The following CACNA1B variants were observed in gnomAD, a reference collection of about 807,000 sequenced individuals.
The protein encoded by CACNA1B is calcium voltage-gated channel subunit alpha1 B.
Under a neutral mutation model 247.2 loss-of-function variants are expected in CACNA1B, and 70 were observed. The ratio of observed to expected loss-of-function variants is 0.28; its 90% CI spans 0.23 to 0.35. The LOEUF is 0.35. Ranked by LOEUF, CACNA1B falls within the 10% of genes least tolerant of loss-of-function variation. The pLI is 1.00. For synonymous variants in CACNA1B, 1,231 were observed against 1,294.4 expected, an observed-to-expected ratio of 0.95 and a Z score of 1.05; for missense variants, 2,367 against 3,197.4, an observed-to-expected ratio of 0.74 and a Z score of 6.26.
intron 44 of CACNA1B, among the ~76,000 whole-genome samples, chr9:138,119,059 T>C (rs754027926): frequency 1.4e-4 from 21 of 152,180 alleles, no homozygotes; most frequent in Admixed American, 2.6e-4. Context: ...CCATGGGGCA[T>C]AGGGGCCCCC....
At chr9:138,075,003 A>C (rs1023663079) in intron 34 of CACNA1B, among the ~76,000 whole-genome samples, 3 of 152,220 alleles carry the variant, frequency 2.0e-5, no homozygotes, top group African/African-American at 7.2e-5. Flanking sequence ...ATTGTCAGCT[A>C]TTTGGGAAAA....
rs1043061637 is a variant in CACNA1B at position 138,120,678 on chromosome 9, A to C, written c.6286A>C (p.Thr2096Pro). Residue 2096 changes from threonine (T) to proline (P), a missense_variant, in exon 46 of 47, where the codon ACA becomes CCA. Thr to Pro is a conservative substitution (Grantham distance 38). Transcript: ENST00000371372. ...GGGGCTGCCCCCGGGAGAGGGGCCT[A>C]CAGGCTGCCGGCGGGAACGAGAGCG... Reference protein sequence around the residue: ...GPGLPPGEGPTGCRRERERRQ... With the variant: ...GPGLPPGEGPPGCRRERERRQ... 5 of 1,516,090 alleles carry C rather than the reference A, an allele frequency of 3.3e-6. No individual in the cohort carries two copies. The highest frequency in any genetic ancestry group is 4.4e-6 in the Non-Finnish European group (5 of 1,137,974). 93.9% of individuals were successfully genotyped at this position (1,516,090 alleles called of 1,614,324 possible). A position where few individuals can be genotyped will look rare whatever the true frequency, so the allele number is the denominator to read the frequency against.
chr9:137,970,259 G>A (rs192915126), intron 10 of CACNA1B, among the ~76,000 whole-genome samples: 36 of 152,266 alleles, frequency 2.4e-4, no homozygotes, highest in African/African-American at 8.4e-4. Context: ...CCATGGCTGG[G>A]GCACAGCTGT....
intron 20 of CACNA1B, among the ~76,000 whole-genome samples, chr9:138,028,906 T>C: frequency 6.6e-6 from 1 of 152,190 alleles, no homozygotes; most frequent in African/African-American, 2.4e-5. Flanking sequence ...TTCTGGGACC[T>C]CTATTCAGCA....
intron 3 of CACNA1B, among the ~76,000 whole-genome samples, chr9:137,907,978 A>G (rs1325469772): frequency 6.6e-6 from 1 of 152,126 alleles, no homozygotes; most frequent in Non-Finnish European, 1.5e-5. Flanking sequence ...CCTTTGTCAA[A>G]CACCCGGTTT....
intron 15 of CACNA1B, among the ~76,000 whole-genome samples, chr9:137,989,123 AAC>A (rs1319876998): frequency 6.6e-6 from 1 of 152,234 alleles, no homozygotes; most frequent in African/African-American, 2.4e-5. Flanking sequence ...TAACAGAACA[AAC>A]ACAGGTGACT....
At chr9:138,062,706 C>T (rs573425303) in intron 31 of CACNA1B, among the ~76,000 whole-genome samples, 1 of 152,184 alleles carries the variant, frequency 6.6e-6, no homozygotes, top group Non-Finnish European at 1.5e-5. Context: ...GGAGGCTTTC[C>T]CAGGACTTTA....
chr9:138,078,265 C>A lies in CACNA1B; in HGVS notation c.5094+7C>A. 1 of 1,613,750 alleles carries A rather than the reference C, an allele frequency of 6.2e-7. No individual in the cohort carries two copies. The highest frequency in any genetic ancestry group is 8.5e-7 in the Non-Finnish European group (1 of 1,179,714). ...CTTCCTGTGCTCCTTTCTGGTGAGT[C>A]CTGGGCACTGTGCCCCTCCCAGTGC... On this transcript the variant is annotated splice_region_variant and intron_variant, in intron 36 of 46. Coordinates refer to ENST00000371372, the MANE Select transcript of CACNA1B (RefSeq NM_000718.4).
intron 22 of CACNA1B, 87 bp from the exon 23 acceptor site, chr9:138,047,312 G>T: frequency 1.0e-6 from 1 of 996,558 alleles, no homozygotes; most frequent in South Asian, 1.4e-5. Context: ...CTGCTCAGAG[G>T]CCTGGAGGAA....
chr9:137,941,269 T>A (rs531408991), intron 6 of CACNA1B, among the ~76,000 whole-genome samples: 1 of 152,272 alleles, frequency 6.6e-6, no homozygotes, highest in South Asian at 2.1e-4. Context: ...TTTTATATAC[T>A]AACAGTGACC....
chr9:137,985,870 G>A (rs1958354162), intron 13 of CACNA1B, among the ~76,000 whole-genome samples: 1 of 152,238 alleles, frequency 6.6e-6, no homozygotes, highest in Admixed American at 6.5e-5. Flanking sequence ...TCTGCGTGGT[G>A]TCACCCTACA....
intron 12 of CACNA1B, among the ~76,000 whole-genome samples, chr9:137,978,198 C>A (rs988430448): frequency 1.0e-4 from 14 of 137,514 alleles, no homozygotes; most frequent in Admixed American, 7.3e-5. Flanking sequence ...ATTGCCCCCC[C>A]CCAGGAAAGA....
intron 9 of CACNA1B, 124 bp downstream of exon 9, chr9:137,956,951 C>T: frequency 1.3e-6 from 1 of 751,788 alleles, no homozygotes; most frequent in Non-Finnish European, 2.3e-6. Context: ...CCTGCACAGC[C>T]ATCACATGAA....
At chr9:138,082,032 A>G (rs1021981741) in intron 36 of CACNA1B, among the ~76,000 whole-genome samples, 4 of 151,302 alleles carry the variant, frequency 2.6e-5, no homozygotes, top group African/African-American at 7.3e-5. Context: ...TGTAAGAGCT[A>G]TAACTATAAA....
Position 138,115,673 on chromosome 9 carries a change from G to T in CACNA1B, c.5771G>T (p.Gly1924Val). ...AGTTCCACCTCCCTCAGCAATGGCG[G>T]GGCCATGTGAGTATCCAGATGCAGG... ...QKSSTSLSNG[G>V]AIQNQESGIK... Residue 1924 changes from glycine to valine, a missense_variant, in exon 42 of 47, where the codon GGG (glycine) becomes GTG (valine). Physicochemically the swap from Gly to Val is moderately radical, Grantham distance 109. Transcript: ENST00000371372. 1 of 1,612,602 alleles carries T rather than the reference G, an allele frequency of 6.2e-7. No individual in the cohort carries two copies. The highest frequency in any genetic ancestry group is 8.5e-7 in the Non-Finnish European group (1 of 1,179,164).
At chr9:137,975,874 G>A (rs200311857) in intron 11 of CACNA1B, 33 bp from the exon 12 acceptor site, 18 of 1,370,014 alleles carry the variant, frequency 1.3e-5, no homozygotes, top group East Asian at 9.3e-5. Flanking sequence ...AGGAGGCCTC[G>A]AGCTAATCCC....
chr9:137,990,398 TCTC>T lies in CACNA1B; in HGVS notation c.1974+3547_1974+3549del, dbSNP rs1225075240. Among the ~76,000 whole-genome samples, 1 of 151,890 alleles carries T rather than the reference TCTC, an allele frequency of 6.6e-6. No homozygotes were observed. Among genetic ancestry groups the T allele is most frequent in the African/African-American group, 2.4e-5 (1 of 41,328 alleles). On this transcript the variant is annotated intron_variant, in intron 15 of 46. Transcript: ENST00000371372. The surrounding 1 kb of genome is among the most constrained non-coding windows in gnomAD (Gnocchi z 4.5). ...TGATGGCCGAAGACAAAGGTTATAA[TCTC>T]CTGGGGGCTCTGTGGTCCTGCCCAC...
At chr9:137,889,423 C>G (rs1269691735) in intron 3 of CACNA1B, among the ~76,000 whole-genome samples, 1 of 148,098 alleles carries the variant, frequency 6.8e-6, no homozygotes, top group Non-Finnish European at 1.5e-5. Flanking sequence ...ACCGGTGGAG[C>G]GGGGGCTGAG....
At chr9:138,093,144 G>C (rs557522785) in intron 36 of CACNA1B, among the ~76,000 whole-genome samples, 1 of 152,086 alleles carries the variant, frequency 6.6e-6, no homozygotes, top group Non-Finnish European at 1.5e-5. Flanking sequence ...AATAGGCCAG[G>C]TGCAGTAGCT....
Sources: allele counts gnomAD v4.1 joint callset (sites outside exome capture counted in the v4.1 genomes callset), GRCh38; gene constraint gnomAD v4.1.1; non-coding constraint Gnocchi (gnomAD v3.1); transcripts MANE v1.5; gene names NCBI Gene and HGNC (gene_info 2026-07-23, HGNC 2026-07-21).